Variants in ST7 observed in about 807,000 individuals in gnomAD.
ST7 encodes suppression of tumorigenicity 7.
Under a neutral mutation model 78.7 loss-of-function variants are expected in ST7, and 28 were observed. The ratio of observed to expected loss-of-function variants is 0.36; its 90% CI spans 0.26 to 0.49. The LOEUF is 0.49. ST7 is among the 20% of genes least tolerant of loss of function. ST7 has a pLI of 0.99. For synonymous variants in ST7, 247 were observed against 249.6 expected, an observed-to-expected ratio of 0.99 and a Z score of 0.10; for missense variants, 418 against 696.0, an observed-to-expected ratio of 0.60 and a Z score of 4.49.
At chr7:117,182,583 A>T (rs950238616) in intron 10 of ST7, 1 of 152,170 alleles carries the variant, frequency 6.6e-6, no homozygotes, top group Non-Finnish European at 1.5e-5. Flanking sequence ...CTTTAGCTGA[A>T]GTCTATTTGA....
chr7:117,020,568 C>G, intron 1 of ST7: 3 of 1,533,976 alleles, frequency 2.0e-6, no homozygotes, highest in Non-Finnish European at 2.6e-6. Flanking sequence ...TTTCCCTTTT[C>G]TTTCTTCTAA....
At chr7:117,027,464 A>AAAGTAAAGTAAAGTAAAGTG (rs150055092) in intron 1 of ST7, among the ~76,000 whole-genome samples, 19 of 824 alleles carry the variant, frequency 0.023, 1 homozygote, top group Non-Finnish European at 0.1. Flanking sequence ...AAGTAAAGTA[A>AAAGTAAAGTAAAGTAAAGTG]AAGTAAAGTA....
At chr7:116,995,094 A>G (rs1346256463) in intron 1 of ST7, among the ~76,000 whole-genome samples, 1 of 152,114 alleles carries the variant, frequency 6.6e-6, no homozygotes, top group Non-Finnish European at 1.5e-5. Flanking sequence ...TGCCCTTTCT[A>G]CACCTTTATT....
chr7:117,181,209 G>A (rs866369666), intron 10 of ST7, among the ~76,000 whole-genome samples: 11 of 152,092 alleles, frequency 7.2e-5, no homozygotes, highest in African/African-American at 2.2e-4. Context: ...AAATAAGTAC[G>A]TACAAGTCAG....
chr7:116,977,241 A>G (rs533240098), intron 1 of ST7, among the ~76,000 whole-genome samples: 1 of 152,294 alleles, frequency 6.6e-6, no homozygotes, highest in East Asian at 1.9e-4. Context: ...AATTTTATTG[A>G]CCCCACTAAG....
intron 1 of ST7, among the ~76,000 whole-genome samples, chr7:117,061,277 C>T (rs574724402): frequency 6.6e-6 from 1 of 152,164 alleles, no homozygotes; most frequent in South Asian, 2.1e-4. Context: ...GCAGTCTTAA[C>T]CACAAAATTG....
In ST7 at chr7:117,120,151, A is replaced by G. The variant is rs1584716468; in HGVS notation, c.394+431A>G. 2.0e-5 allele frequency among the ~76,000 whole-genome samples: 3 copies of G among 152,168 alleles called. No homozygotes were observed. In the East Asian group the frequency reaches 5.8e-4, roughly 29 times the overall value. On this transcript the variant is annotated intron_variant, in intron 3 of 15. Coordinates refer to ENST00000323984, the MANE Select transcript of ST7 (RefSeq NM_001369598.1). ...CGCTATGTTGTCTAGACTGGTCTCA[A>G]ACTCCTGGGCTCAAGTAATCTGCCC...
chr7:117,140,637 G>A (rs544824418), intron 9 of ST7, among the ~76,000 whole-genome samples: 12 of 151,270 alleles, frequency 7.9e-5, no homozygotes, highest in East Asian at 7.8e-4. Flanking sequence ...TTCCTCTCTC[G>A]ACATATGTGT....
At chr7:116,957,080 C>G (rs971456182) in intron 1 of ST7, 2 of 165,180 alleles carry the variant, frequency 1.2e-5, no homozygotes, top group African/African-American at 4.8e-5. Flanking sequence ...GTTTTTAGCT[C>G]TTACATCGTG....
chr7:117,046,937 T>A (rs1310291796), intron 1 of ST7, among the ~76,000 whole-genome samples: 1 of 152,202 alleles, frequency 6.6e-6, no homozygotes, highest in Non-Finnish European at 1.5e-5. Flanking sequence ...CTCTTCTTCA[T>A]CTATGAAATG....
intron 1 of ST7, among the ~76,000 whole-genome samples, chr7:117,032,118 G>T (rs1796632173): frequency 6.6e-6 from 1 of 151,820 alleles, no homozygotes; most frequent in African/African-American, 2.4e-5. Flanking sequence ...CTGACCTCAA[G>T]TGATCTGCCC....
rs189505677 is a variant in ST7 at position 117,117,747 on chromosome 7, G to A, written c.235-1814G>A. Among the ~76,000 whole-genome samples the A allele has an allele frequency of 5.9e-5, 9 of 152,234 alleles. No individual in the cohort carries two copies. In the East Asian group the frequency reaches 1.4e-3, roughly 23 times the overall value. On this transcript the variant is annotated intron_variant, in intron 2 of 15. Coordinates refer to ENST00000323984, the MANE Select transcript of ST7 (RefSeq NM_001369598.1). Reference sequence around the variant, plus strand: ...ATGTGCATCATTAACATAGTAAATGGCAGCTTTGCTATTACTTTTGAAAAC... The same window carrying A: ...ATGTGCATCATTAACATAGTAAATGACAGCTTTGCTATTACTTTTGAAAAC...
intron 1 of ST7, among the ~76,000 whole-genome samples, chr7:117,071,645 G>T (rs1452544337): frequency 2.0e-5 from 3 of 152,200 alleles, no homozygotes; most frequent in Non-Finnish European, 4.4e-5. Context: ...GCACACTGGG[G>T]TAAACTGACA....
intron 12 of ST7, chr7:117,191,808 A>G (rs1041647361): frequency 1.3e-5 from 2 of 152,154 alleles, no homozygotes; most frequent in Admixed American, 1.3e-4. Flanking sequence ...ATGAAGACTT[A>G]GTGGTGAAAA....
chr7:117,145,015 C>T (rs750069124), intron 9 of ST7, among the ~76,000 whole-genome samples: 15 of 152,006 alleles, frequency 9.9e-5, no homozygotes, highest in East Asian at 1.9e-4. Flanking sequence ...GCGTGGGCAA[C>T]GTGGTAAAAC....
intron 9 of ST7, among the ~76,000 whole-genome samples, chr7:117,158,261 C>T (rs772439997): frequency 5.3e-5 from 8 of 152,144 alleles, no homozygotes; most frequent in African/African-American, 1.2e-4. Flanking sequence ...GAGAAACAAA[C>T]GGAAAAGGAA....
At chr7:116,958,922 G>T (rs550041267) in intron 1 of ST7, among the ~76,000 whole-genome samples, 2 of 152,272 alleles carry the variant, frequency 1.3e-5, no homozygotes, top group South Asian at 2.1e-4. Flanking sequence ...CAGGGTGCTG[G>T]TTGTTAAAGG....
intron 1 of ST7, among the ~76,000 whole-genome samples, chr7:117,096,212 CTT>C (rs1333232569): frequency 6.7e-6 from 1 of 149,524 alleles, no homozygotes; most frequent in African/African-American, 2.5e-5. Context: ...TTGCTAATGA[CTT>C]TGATGAAGCT....
intron 1 of ST7, among the ~76,000 whole-genome samples, chr7:116,997,822 T>C (rs143686966): frequency 2.6e-5 from 4 of 152,368 alleles, no homozygotes; most frequent in Non-Finnish European, 5.9e-5. Context: ...GACTGTTACA[T>C]TTACAAACCT....
Sources: gnomAD v4.1 joint callset for allele counts (sites outside exome capture counted in the v4.1 genomes callset) on GRCh38, gnomAD v4.1.1 for gene constraint, MANE v1.5 for transcripts, NCBI Gene and HGNC (gene_info 2026-07-23, HGNC 2026-07-21) for gene names.